FRMD6: variants seen among roughly 807,000 people sequenced by gnomAD.
The protein encoded by FRMD6 is FERM domain containing 6.
A neutral mutation model predicts 73.2 loss-of-function variants in FRMD6; 37 were observed. The ratio of observed to expected loss-of-function variants is 0.51; its 90% CI spans 0.39 to 0.66. The LOEUF is 0.66. Ranked by LOEUF, FRMD6 falls within the 30% of genes least tolerant of loss-of-function variation. FRMD6 has a pLI of 0.00. For synonymous variants in FRMD6, 273 were observed against 282.2 expected, an observed-to-expected ratio of 0.97 and a Z score of 0.33; for missense variants, 714 against 780.5, an observed-to-expected ratio of 0.91 and a Z score of 1.02.
At chr14:51,663,196 A>T (rs1893347957) in intron 1 of FRMD6, among the ~76,000 whole-genome samples, 1 of 152,250 alleles carries the variant, frequency 6.6e-6, no homozygotes. Context: ...CCATTGTGGA[A>T]GACAGTGTGG....
chr14:51,574,203 C>A (rs991432915), intron 2 of FRMD6, among the ~76,000 whole-genome samples: 2 of 152,134 alleles, frequency 1.3e-5, no homozygotes, highest in African/African-American at 4.8e-5. Flanking sequence ...TAGCCACCAC[C>A]TTTTCAGAGT....
At chr14:51,577,516 A>G (rs1888469815) in intron 2 of FRMD6, among the ~76,000 whole-genome samples, 1 of 152,222 alleles carries the variant, frequency 6.6e-6, no homozygotes, top group Non-Finnish European at 1.5e-5. Flanking sequence ...AGATTCTTCC[A>G]TACGAAACTC....
At chr14:51,724,956 GT>G (rs1373482520) in intron 12 of FRMD6, among the ~76,000 whole-genome samples, 1 of 152,104 alleles carries the variant, frequency 6.6e-6, no homozygotes, top group Non-Finnish European at 1.5e-5. Flanking sequence ...ATTTTGGCGG[GT>G]TTCCACCGAG....
chr14:51,603,337 A>T (rs1382406276), intron 2 of FRMD6, among the ~76,000 whole-genome samples: 1 of 152,238 alleles, frequency 6.6e-6, no homozygotes. Context: ...TTAACTCTTT[A>T]TACAACATGA....
At chr14:51,640,926 AAC>A (rs1384845771) in intron 2 of FRMD6, among the ~76,000 whole-genome samples, 1 of 152,138 alleles carries the variant, frequency 6.6e-6, no homozygotes, top group Non-Finnish European at 1.5e-5. Context: ...AATATCCACT[AAC>A]TTCTGGTTAA....
the FRMD6 span, among the ~76,000 whole-genome samples, chr14:51,404,330 T>G: frequency 2.6e-5 from 4 of 152,148 alleles, no homozygotes; most frequent in African/African-American, 9.7e-5. Context: ...TTTCTCCCAG[T>G]TGGTGACTTG....
chr14:51,529,322 A>T (rs1444620244), intron 1 of FRMD6, among the ~76,000 whole-genome samples: 1 of 152,252 alleles, frequency 6.6e-6, no homozygotes, highest in African/African-American at 2.4e-5. Flanking sequence ...AACAATAATC[A>T]TGAAAATGCC....
At chr14:51,486,936 G>GT (rs5808614), upstream of FRMD6, among the ~76,000 whole-genome samples, 22,742 of 146,264 alleles carry the variant, frequency 0.16, 1,913 homozygotes, top group Non-Finnish European at 0.2. Flanking sequence ...GTATAAAACC[G>GT]TTTTTTTTTT....
the FRMD6 span, among the ~76,000 whole-genome samples, chr14:51,398,891 A>G: frequency 1.6e-4 from 24 of 152,138 alleles, no homozygotes; most frequent in Admixed American, 1.6e-3. Context: ...TCCTTGGCTC[A>G]AAACATGTCA....
At chr14:51,540,578 T>C (rs1886151456) in intron 1 of FRMD6, among the ~76,000 whole-genome samples, 1 of 152,108 alleles carries the variant, frequency 6.6e-6, no homozygotes, top group South Asian at 2.1e-4. Flanking sequence ...AGATGATTCA[T>C]GGCAAACTTG....
the FRMD6 span, among the ~76,000 whole-genome samples, chr14:51,414,538 G>A: frequency 1.1e-4 from 16 of 152,296 alleles, no homozygotes; most frequent in East Asian, 1.5e-3. Flanking sequence ...CCAGTACCAC[G>A]CTGTTTTGGT....
At chr14:51,721,810 G>A (rs1897633039) in intron 11 of FRMD6, 139 bp from the exon 12 acceptor site, 1 of 796,660 alleles carries the variant, frequency 1.3e-6, no homozygotes, top group South Asian at 2.1e-5. Context: ...AATGGTCCCT[G>A]GAGTTTCCTA....
intron 2 of FRMD6, among the ~76,000 whole-genome samples, chr14:51,690,432 C>A (rs576924808): frequency 6.6e-6 from 1 of 152,270 alleles, no homozygotes; most frequent in East Asian, 1.9e-4. Flanking sequence ...GTCACCCAGG[C>A]TGGAGTGTAG....
chr14:51,708,207 G>A lies in FRMD6; in HGVS notation c.688G>A (p.Ala230Thr), dbSNP rs374236968. Residue 230 changes from alanine to threonine, a missense_variant, in exon 7 of 14, where the codon GCT becomes ACT. Coordinates refer to ENST00000344768, the MANE Select transcript of FRMD6 (RefSeq NM_001267046.2). ...AGAGGCTGTCCGACTGGATGACGTC[G>A]CTGTTCATTACTACAGATTGTATAA... ...IKEAVRLDDV[A>T]VHYYRLYKDK... The A allele has an allele frequency of 3.3e-5, 54 of 1,612,798 alleles. No homozygotes were observed. The highest frequency in any genetic ancestry group is 1.6e-4 in the Middle Eastern group (1 of 6,068).
intron 1 of FRMD6, among the ~76,000 whole-genome samples, chr14:51,505,536 T>C (rs1353617470): frequency 1.3e-5 from 2 of 152,058 alleles, no homozygotes; most frequent in African/African-American, 2.4e-5. Flanking sequence ...GGAAGAGCTT[T>C]TGGCAATCAG....
chr14:51,681,581 G>C (rs993316792), intron 1 of FRMD6, among the ~76,000 whole-genome samples: 2 of 152,144 alleles, frequency 1.3e-5, no homozygotes, highest in African/African-American at 4.8e-5. Context: ...TTTGGCTCCA[G>C]AGTCCAAGCT....
intron 2 of FRMD6, among the ~76,000 whole-genome samples, chr14:51,615,811 G>A (rs1451594981): frequency 1.3e-5 from 2 of 152,166 alleles, no homozygotes; most frequent in African/African-American, 2.4e-5. Context: ...ACTGAGTCAA[G>A]TTATAAAAGA....
At chr14:51,588,621 C>T (rs1238120512) in intron 2 of FRMD6, among the ~76,000 whole-genome samples, 3 of 152,202 alleles carry the variant, frequency 2.0e-5, no homozygotes, top group African/African-American at 4.8e-5. Flanking sequence ...AGCTTGAATG[C>T]TCACATGAGG....
chr14:51,630,923 C>A (rs983769613), intron 2 of FRMD6, among the ~76,000 whole-genome samples: 1 of 152,094 alleles, frequency 6.6e-6, no homozygotes, highest in African/African-American at 2.4e-5. Flanking sequence ...CACTCTGCTG[C>A]CATATGTATA....
Sources: allele counts gnomAD v4.1 joint callset (sites outside exome capture counted in the v4.1 genomes callset), GRCh38; gene constraint gnomAD v4.1.1; transcripts MANE v1.5; gene names NCBI Gene and HGNC (gene_info 2026-07-23, HGNC 2026-07-21).